Variants in SH3GL2 observed in about 807,000 individuals in gnomAD.
SH3GL2 encodes the protein endophilin-A1.
A neutral mutation model predicts 46.0 loss-of-function variants in SH3GL2; 24 were observed. That is an observed-to-expected ratio of 0.52 (90% CI 0.38 to 0.73). SH3GL2 has a LOEUF of 0.73. Among genes scored for constraint, SH3GL2 ranks in the 30% least tolerant of loss-of-function variants. SH3GL2 has a pLI of 0.00. For missense variants in SH3GL2, 413 were observed against 424.2 expected (o/e 0.97, Z 0.23); for synonymous variants, 196 against 147.1 (o/e 1.33, Z -2.40).
chr9:17,707,885 C>T (rs1285924769), intron 1 of SH3GL2, among the ~76,000 whole-genome samples: 1 of 152,048 alleles, frequency 6.6e-6, no homozygotes, highest in Non-Finnish European at 1.5e-5. Flanking sequence ...GTTTCACACT[C>T]ATCTTGTGTA....
intron 1 of SH3GL2, among the ~76,000 whole-genome samples, chr9:17,744,807 T>A (rs984979363): frequency 1.2e-4 from 19 of 152,200 alleles, no homozygotes; most frequent in African/African-American, 4.1e-4. Context: ...TAGGTGGTAT[T>A]GATGTCAGAA....
chr9:17,638,230 C>T (rs1240452898), intron 1 of SH3GL2, among the ~76,000 whole-genome samples: 1 of 151,910 alleles, frequency 6.6e-6, no homozygotes, highest in Admixed American at 6.6e-5. Context: ...CTAGAGGGGC[C>T]CTTAAAAATT....
intron 2 of SH3GL2, among the ~76,000 whole-genome samples, chr9:17,759,651 G>A (rs1289900032): frequency 6.6e-6 from 1 of 152,106 alleles, no homozygotes; most frequent in Non-Finnish European, 1.5e-5. Context: ...ACAGAAGACA[G>A]CTTATGGTGA....
At chr9:17,730,796 T>TG (rs33988109) in intron 1 of SH3GL2, among the ~76,000 whole-genome samples, 45,082 of 151,772 alleles carry the variant, frequency 0.3, 8,067 homozygotes, top group African/African-American at 0.49. Flanking sequence ...TTCAACAAAG[T>TG]GCAAAATTTT....
At chr9:17,609,386 C>G (rs539305110) in intron 1 of SH3GL2, among the ~76,000 whole-genome samples, 2 of 152,044 alleles carry the variant, frequency 1.3e-5, no homozygotes, top group South Asian at 4.2e-4. Flanking sequence ...GTCATGGTCT[C>G]TGTACCCATA....
intron 1 of SH3GL2, chr9:17,589,097 A>C (rs575264435): frequency 1.3e-5 from 2 of 152,368 alleles, no homozygotes; most frequent in East Asian, 3.9e-4. Flanking sequence ...GTCCATATGT[A>C]CATACACAAC....
chr9:17,731,304 G>T (rs1037849613), intron 1 of SH3GL2, among the ~76,000 whole-genome samples: 7 of 152,006 alleles, frequency 4.6e-5, no homozygotes, highest in African/African-American at 1.7e-4. Context: ...TTGGAGATGG[G>T]GCCCTTGGGA....
chr9:17,612,160 C>T (rs1818881465), intron 1 of SH3GL2, among the ~76,000 whole-genome samples: 1 of 152,134 alleles, frequency 6.6e-6, no homozygotes, highest in Non-Finnish European at 1.5e-5. Context: ...CATTGCCTGT[C>T]TGTCCTCTCT....
intron 1 of SH3GL2, among the ~76,000 whole-genome samples, chr9:17,652,035 T>C (rs981866742): frequency 6.6e-6 from 1 of 152,178 alleles, no homozygotes; most frequent in Non-Finnish European, 1.5e-5. Flanking sequence ...AGTGATGAAT[T>C]GATTGACTGG....
intron 2 of SH3GL2, among the ~76,000 whole-genome samples, chr9:17,757,098 A>G (rs1242007876): frequency 1.3e-5 from 2 of 152,134 alleles, no homozygotes; most frequent in African/African-American, 4.8e-5. Context: ...ATTTTTCCAT[A>G]TGTCTGTTGG....
intron 1 of SH3GL2, among the ~76,000 whole-genome samples, chr9:17,632,148 C>A (rs1230839944): frequency 1.3e-5 from 2 of 152,036 alleles, no homozygotes; most frequent in Non-Finnish European, 2.9e-5. Flanking sequence ...ATGCCATTTG[C>A]TTTAATGCTG....
At chr9:17,721,196 A>C (rs560709562) in intron 1 of SH3GL2, among the ~76,000 whole-genome samples, 21 of 151,896 alleles carry the variant, frequency 1.4e-4, no homozygotes, top group African/African-American at 5.1e-4. Flanking sequence ...GGACCCACCC[A>C]CTCCAATGTG....
chr9:17,716,342 G>A (rs1821757229), intron 1 of SH3GL2, among the ~76,000 whole-genome samples: 1 of 152,116 alleles, frequency 6.6e-6, no homozygotes, highest in Non-Finnish European at 1.5e-5. Flanking sequence ...CTGGGACACA[G>A]CGAAATTACA....
At chr9:17,611,184 T>G (rs1396971039) in intron 1 of SH3GL2, among the ~76,000 whole-genome samples, 2 of 152,328 alleles carry the variant, frequency 1.3e-5, no homozygotes, top group East Asian at 3.9e-4. Context: ...TTTTTTTTAT[T>G]TCATAAAGCC....
intron 1 of SH3GL2, among the ~76,000 whole-genome samples, chr9:17,661,729 G>T (rs1457472601): frequency 6.6e-6 from 1 of 152,134 alleles, no homozygotes; most frequent in Non-Finnish European, 1.5e-5. Context: ...AAGTTTGCAG[G>T]CTGCTGGATT....
chr9:17,596,212 G>T (rs1818568851), intron 1 of SH3GL2, among the ~76,000 whole-genome samples: 1 of 152,158 alleles, frequency 6.6e-6, no homozygotes, highest in South Asian at 2.1e-4. Context: ...ATAGAGCCCT[G>T]AATTAAATTG....
intron 1 of SH3GL2, among the ~76,000 whole-genome samples, chr9:17,745,681 A>G (rs1177505781): frequency 6.6e-6 from 1 of 152,206 alleles, no homozygotes; most frequent in Admixed American, 6.5e-5. Context: ...TAAGCAACAC[A>G]GCTCAGGTCC....
chr9:17,697,027 C>T (rs1821220490), intron 1 of SH3GL2, among the ~76,000 whole-genome samples: 2 of 146,034 alleles, frequency 1.4e-5, no homozygotes, highest in Admixed American at 1.4e-4. Flanking sequence ...GTGTTGGAAC[C>T]TTGATACTGT....
rs185486628 is a variant in SH3GL2, at chr9:17,625,691, A to G, written c.45+46404A>G. Among the ~76,000 whole-genome samples the G allele has an allele frequency of 1.4e-4, 22 of 152,312 alleles. No homozygotes were observed. In the East Asian group the frequency reaches 4.3e-3, roughly 29 times the overall value. On this transcript the variant is annotated intron_variant, in intron 1 of 8. Transcript: ENST00000380607. ...CCTCTTTGTGCTTTCTTCTTGTCTT[A>G]GTTAAAAACTGAAGAAGAAAAGTAA...
Sources: allele counts gnomAD v4.1 joint callset (sites outside exome capture counted in the v4.1 genomes callset), GRCh38; gene constraint gnomAD v4.1.1; transcripts MANE v1.5; gene names NCBI Gene and HGNC (gene_info 2026-07-23, HGNC 2026-07-21).